DNAH7: variants seen among roughly 807,000 people sequenced by gnomAD.
The protein encoded by DNAH7 is axonemal beta dynein heavy chain 7.
In DNAH7, 397 loss-of-function variants were observed where a neutral mutation model predicts 444.6. The observed-to-expected ratio is 0.89, with a 90% CI of 0.82 to 0.97. DNAH7 has a LOEUF of 0.97. Ranked by LOEUF, DNAH7 falls within the 50% of genes least tolerant of loss-of-function variation. The pLI, the probability that DNAH7 is intolerant of heterozygous loss-of-function variation, is 0.00. For missense variants in DNAH7, 4,902 were observed against 4,800.8 expected (o/e 1.02, Z -0.62); for synonymous variants, 1,636 against 1,624.4 (o/e 1.01, Z -0.17).
At chr2:195,863,768 C>T (rs1002746316) in intron 41 of DNAH7, among the ~76,000 whole-genome samples, 1 of 152,146 alleles carries the variant, frequency 6.6e-6, no homozygotes, top group Non-Finnish European at 1.5e-5. Context: ...CCTGCTATTG[C>T]TCCACCTACC....
chr2:196,012,068 T>C (rs556001903), intron 10 of DNAH7, among the ~76,000 whole-genome samples: 1 of 152,272 alleles, frequency 6.6e-6, no homozygotes, highest in East Asian at 1.9e-4. Context: ...ATAAAGGAAA[T>C]ATTTAATCTC....
At chr2:195,962,253 C>T (rs1029587763) in intron 17 of DNAH7, among the ~76,000 whole-genome samples, 3 of 152,178 alleles carry the variant, frequency 2.0e-5, no homozygotes, top group African/African-American at 7.2e-5. Flanking sequence ...ACATGAGATA[C>T]TTTGATAGCG....
At chr2:195,888,093 T>C (rs1372568814) in intron 33 of DNAH7, among the ~76,000 whole-genome samples, 165 bp downstream of exon 33, 3 of 152,282 alleles carry the variant, frequency 2.0e-5, no homozygotes, top group Non-Finnish European at 2.9e-5. Context: ...ATTTGAAATA[T>C]TTTTAGTGAA....
chr2:195,963,785 A>G (rs1301010963), intron 17 of DNAH7, among the ~76,000 whole-genome samples: 3 of 152,134 alleles, frequency 2.0e-5, no homozygotes, highest in African/African-American at 2.4e-5. Context: ...TTGATTTTTT[A>G]TATGGTGAGA....
chr2:196,063,976 A>G (rs1698277283), intron 1 of DNAH7: 1 of 152,252 alleles, frequency 6.6e-6, no homozygotes, highest in African/African-American at 2.4e-5. Context: ...CTCCTGGCTC[A>G]AGATTTTCTG....
Position 195,870,639 on chromosome 2 carries a change from T to A in DNAH7, c.6633+1611A>T, listed in dbSNP as rs114067353. The stretch of plus-strand genomic sequence containing the variant: ...GAGACTCTGGGAGGTAATTAGGTCA[T>A]GGGAGCAGAACCCTCATGAATGGAA... On this transcript the variant is annotated intron_variant, in intron 40 of 64. Coordinates refer to ENST00000312428, the MANE Select transcript of DNAH7 (RefSeq NM_018897.3). Among the ~76,000 whole-genome samples, 1,041 of 152,296 alleles carry A rather than the reference T, an allele frequency of 6.8e-3. 6 individuals carry two copies. The highest frequency in any genetic ancestry group is 0.017 in the Admixed American group (257 of 15,294).
chr2:195,828,349 C>A (rs1231573302), intron 48 of DNAH7, among the ~76,000 whole-genome samples: 1 of 152,008 alleles, frequency 6.6e-6, no homozygotes, highest in Non-Finnish European at 1.5e-5. Context: ...TTTTGGGAGG[C>A]CGAGGCGGGC....
At chr2:195,868,122 G>T (rs2125109839) in intron 40 of DNAH7, among the ~76,000 whole-genome samples, 2 of 123,164 alleles carry the variant, frequency 1.6e-5, no homozygotes, top group African/African-American at 3.1e-5. Flanking sequence ...TTGAGACAGA[G>T]TCTCGCTCTG....
intron 58 of DNAH7, among the ~76,000 whole-genome samples, chr2:195,785,784 T>C (rs566536277): frequency 7.9e-5 from 12 of 152,260 alleles, no homozygotes; most frequent in Admixed American, 3.3e-4. Flanking sequence ...ATATTTTAAA[T>C]TAGAATATAC....
At chr2:196,043,839 C>T (rs566468029) in intron 5 of DNAH7, among the ~76,000 whole-genome samples, 9 of 152,064 alleles carry the variant, frequency 5.9e-5, no homozygotes, top group Admixed American at 4.6e-4. Context: ...AAATGCAAAT[C>T]GAAACCACAA....
At chr2:195,929,740 T>G (rs1688566871) in intron 21 of DNAH7, among the ~76,000 whole-genome samples, 1 of 152,244 alleles carries the variant, frequency 6.6e-6, no homozygotes, top group African/African-American at 2.4e-5. Flanking sequence ...GATTAATATT[T>G]AAAGGTAAGA....
intron 3 of DNAH7, 116 bp downstream of exon 3, chr2:196,051,071 T>G: frequency 7.8e-6 from 7 of 897,072 alleles, no homozygotes; most frequent in Non-Finnish European, 1.3e-5. Context: ...ATAGAATTTC[T>G]CCATCAGAAA....
chr2:195,888,190 A>C, intron 33 of DNAH7, 68 bp downstream of exon 33: 1 of 1,295,798 alleles, frequency 7.7e-7, no homozygotes, highest in East Asian at 2.5e-5. Flanking sequence ...CAGACATTAA[A>C]ATTGATATGT....
chr2:196,047,551 A>G (rs747053364), intron 4 of DNAH7, 52 bp from the exon 5 acceptor site: 1 of 1,409,806 alleles, frequency 7.1e-7, no homozygotes, highest in Non-Finnish European at 9.5e-7. Flanking sequence ...AAGGTAAGCT[A>G]AAGCATTTCA....
intron 24 of DNAH7, among the ~76,000 whole-genome samples, chr2:195,914,908 C>T (rs1265560883): frequency 3.3e-5 from 5 of 152,134 alleles, no homozygotes; most frequent in Admixed American, 1.3e-4. Flanking sequence ...GTGATCCACC[C>T]GCCTTGGTCT....
chr2:195,855,870 C>G lies in DNAH7; in HGVS notation c.8536G>C (p.Ala2846Pro). The G allele has an allele frequency of 6.2e-7, 1 of 1,614,044 alleles. No individual in the cohort carries two copies. The highest frequency in any genetic ancestry group is 8.5e-7 in the Non-Finnish European group (1 of 1,179,962). Residue 2846 changes from alanine to proline, a missense_variant, in exon 45 of 65, where the codon GCC becomes CCC. By Grantham distance (27) the Ala-to-Pro change is conservative. Coordinates refer to ENST00000312428, the MANE Select transcript of DNAH7 (RefSeq NM_018897.3). ...AATTCAAGTGTGTCTTGAAGCCTGGCCAGCTTGTCCTGAACTTCCTTAAGG... is the reference window on the plus strand; with the variant it reads ...AATTCAAGTGTGTCTTGAAGCCTGGGCAGCTTGTCCTGAACTTCCTTAAGG... ...AALKEVQDKL[A>P]RLQDTLELNK...
At chr2:195,825,263 T>C (rs911807207) in intron 48 of DNAH7, among the ~76,000 whole-genome samples, 2 of 110,910 alleles carry the variant, frequency 1.8e-5, no homozygotes, top group African/African-American at 3.0e-5. Context: ...GTCTCAAACA[T>C]AAATAAGGAA....
chr2:195,996,479 G>A (rs1382632870), intron 12 of DNAH7, among the ~76,000 whole-genome samples: 1 of 148,474 alleles, frequency 6.7e-6, no homozygotes. Flanking sequence ...AGGCTGAAGT[G>A]CAGTGGCATG....
intron 63 of DNAH7, chr2:195,741,154 A>AT (rs1254481104): frequency 1.2e-5 from 2 of 171,878 alleles, no homozygotes; most frequent in Non-Finnish European, 2.5e-5. Flanking sequence ...GTGTGTGAAC[A>AT]TTATCAAATT....
Sources: gnomAD v4.1 joint callset for allele counts (sites outside exome capture counted in the v4.1 genomes callset) on GRCh38, gnomAD v4.1.1 for gene constraint, MANE v1.5 for transcripts, NCBI Gene and HGNC (gene_info 2026-07-23, HGNC 2026-07-21) for gene names.